Variants in PPFIA2 observed in about 807,000 individuals in gnomAD.
The protein encoded by PPFIA2 is liprin-alpha-2.
Under a neutral mutation model 175.5 loss-of-function variants are expected in PPFIA2, and 46 were observed. The observed-to-expected ratio is 0.26, with a 90% confidence interval of 0.21 to 0.34. PPFIA2 has a LOEUF of 0.34. Among genes scored for constraint, PPFIA2 ranks in the 10% least tolerant of loss-of-function variants. The probability of loss-of-function intolerance (pLI) is 1.00; values close to 1 mark genes in which losing one functional copy is unlikely to be tolerated. For synonymous variants in PPFIA2, 568 were observed against 511.4 expected, an observed-to-expected ratio of 1.11 and a Z score of -1.49; for missense variants, 1,179 against 1,506.1, an observed-to-expected ratio of 0.78 and a Z score of 3.60.
intron 4 of PPFIA2, chr12:81,597,985 A>T (rs1349490437): frequency 6.5e-7 from 1 of 1,535,252 alleles, no homozygotes; most frequent in Admixed American, 2.0e-5. Flanking sequence ...CATTAGGAGG[A>T]TGCACTTTAG....
intron 4 of PPFIA2, chr12:81,471,365 T>C (rs910095938): frequency 1.3e-5 from 2 of 151,656 alleles, no homozygotes; most frequent in African/African-American, 4.8e-5. Flanking sequence ...GATCTCCCTA[T>C]ATTTCCCAGG....
intron 4 of PPFIA2, among the ~76,000 whole-genome samples, chr12:81,606,952 C>T (rs766970891): frequency 6.6e-6 from 1 of 152,038 alleles, no homozygotes; most frequent in Non-Finnish European, 1.5e-5. Context: ...TGATGTCTTA[C>T]ATTTAAACCT....
chr12:81,615,861 C>A (rs1020980402), intron 4 of PPFIA2, among the ~76,000 whole-genome samples: 4 of 152,068 alleles, frequency 2.6e-5, no homozygotes, highest in Non-Finnish European at 5.9e-5. Flanking sequence ...GAGGGAGAGG[C>A]TCCAGGAGAG....
chr12:81,546,679 T>C (rs1291713128), intron 4 of PPFIA2, among the ~76,000 whole-genome samples: 5 of 152,194 alleles, frequency 3.3e-5, no homozygotes, highest in African/African-American at 1.2e-4. Context: ...TGCCTGAACA[T>C]TTACATATTA....
intron 4 of PPFIA2, among the ~76,000 whole-genome samples, chr12:81,516,658 AAAG>A (rs1245612518): frequency 6.6e-6 from 1 of 152,174 alleles, no homozygotes; most frequent in African/African-American, 2.4e-5. Context: ...TCAAAAGTTC[AAAG>A]AATGGACCAG....
intron 3 of PPFIA2, among the ~76,000 whole-genome samples, chr12:81,714,583 C>T (rs552600381): frequency 6.6e-6 from 1 of 150,880 alleles, no homozygotes; most frequent in Non-Finnish European, 1.5e-5. Flanking sequence ...GATAAGCACA[C>T]CCTCAGAGTG....
At chr12:81,724,300 A>G (rs1296963383) in intron 3 of PPFIA2, among the ~76,000 whole-genome samples, 3 of 150,998 alleles carry the variant, frequency 2.0e-5, no homozygotes, top group East Asian at 1.9e-4. Context: ...TAAATTGCTT[A>G]TGTAATTTTG....
chr12:81,552,826 T>A (rs1257705671), intron 4 of PPFIA2, among the ~76,000 whole-genome samples: 1 of 152,116 alleles, frequency 6.6e-6, no homozygotes, highest in Non-Finnish European at 1.5e-5. Flanking sequence ...TTTTTGATGA[T>A]GTAGGTTACC....
At chr12:81,384,796 G>T (rs1380523047) in intron 8 of PPFIA2, among the ~76,000 whole-genome samples, 5 of 152,058 alleles carry the variant, frequency 3.3e-5, no homozygotes, top group Non-Finnish European at 5.9e-5. Context: ...ATATAGTATA[G>T]AAAAGTTTTT....
At chr12:81,572,665 C>A (rs572967850) in intron 4 of PPFIA2, among the ~76,000 whole-genome samples, 1 of 152,076 alleles carries the variant, frequency 6.6e-6, no homozygotes, top group African/African-American at 2.4e-5. Flanking sequence ...TGGAGTTATG[C>A]CCAATGAGCA....
chr12:81,743,683 T>C (rs2082658504), intron 3 of PPFIA2, among the ~76,000 whole-genome samples: 1 of 152,088 alleles, frequency 6.6e-6, no homozygotes, highest in Non-Finnish European at 1.5e-5. Flanking sequence ...TGACCTTTTC[T>C]AGGAACATGT....
chr12:81,283,316 T>C (rs951013480), intron 25 of PPFIA2, among the ~76,000 whole-genome samples: 1 of 152,048 alleles, frequency 6.6e-6, no homozygotes, highest in Non-Finnish European at 1.5e-5. Context: ...TTTTTTTAAT[T>C]CTTAAATGAG....
chr12:81,300,816 A>ATG (rs2047635834), intron 22 of PPFIA2, among the ~76,000 whole-genome samples: 1 of 152,146 alleles, frequency 6.6e-6, no homozygotes, highest in Non-Finnish European at 1.5e-5. Context: ...ATATATATAT[A>ATG]GAAATGGATT....
rs1746587734 is a variant in PPFIA2 at position 81,623,993 on chromosome 12, A to G, written c.303+52798T>C. On this transcript the variant is annotated intron_variant, in intron 4 of 32. Coordinates refer to ENST00000549396, the MANE Select transcript of PPFIA2 (RefSeq NM_003625.5). ...ATTACCTGTTATATTATTTTGTACTAAACGTTTTTTGCAATTAATCTGTCT... is the reference window on the plus strand; with the variant it reads ...ATTACCTGTTATATTATTTTGTACTGAACGTTTTTTGCAATTAATCTGTCT... 3.3e-5 allele frequency among the ~76,000 whole-genome samples: 5 copies of G among 151,916 alleles called. No homozygotes were observed. In the South Asian group the frequency reaches 1.0e-3, roughly 31 times the overall value.
chr12:81,547,013 G>A (rs769999919), intron 4 of PPFIA2, among the ~76,000 whole-genome samples: 5 of 152,060 alleles, frequency 3.3e-5, no homozygotes, highest in African/African-American at 1.2e-4. Flanking sequence ...GAGAAGCGTG[G>A]CAGATGCTAG....
Position 81,282,392 on chromosome 12 carries a change from C to T in PPFIA2, c.3018+618G>A, listed in dbSNP as rs73156067. 2.1e-3 allele frequency among the ~76,000 whole-genome samples: 315 copies of T among 152,106 alleles called. 1 individual carries two copies. The highest frequency in any genetic ancestry group is 3.0e-3 in the Non-Finnish European group (201 of 67,932). ...TTAAATACAGGTCCTAATGTAACTACCAAATTTTTTCTTATATTGAAAGGT... is the reference window on the plus strand; with the variant it reads ...TTAAATACAGGTCCTAATGTAACTATCAAATTTTTTCTTATATTGAAAGGT... On this transcript the variant is annotated intron_variant, in intron 26 of 32. Coordinates refer to ENST00000549396, the MANE Select transcript of PPFIA2 (RefSeq NM_003625.5).
At chr12:81,642,978 A>ATC (rs200307639) in intron 4 of PPFIA2, among the ~76,000 whole-genome samples, 8,488 of 37,010 alleles carry the variant, frequency 0.23, 366 homozygotes, top group East Asian at 0.56. Context: ...TATAAATTAT[A>ATC]TATCTCTTAT....
chr12:81,635,401 AAAT>A (rs1298975055), intron 4 of PPFIA2, among the ~76,000 whole-genome samples: 3 of 152,232 alleles, frequency 2.0e-5, no homozygotes, highest in African/African-American at 4.8e-5. Flanking sequence ...ATGTGACAGA[AAAT>A]AATAATTTTA....
At chr12:81,757,117 T>C (rs1417701552) in intron 2 of PPFIA2, among the ~76,000 whole-genome samples, 1 of 152,232 alleles carries the variant, frequency 6.6e-6, no homozygotes, top group Non-Finnish European at 1.5e-5. Context: ...ATAACATTTC[T>C]TAAATGCACA....
Sources: gnomAD v4.1 joint callset for allele counts (sites outside exome capture counted in the v4.1 genomes callset) on GRCh38, gnomAD v4.1.1 for gene constraint, MANE v1.5 for transcripts, NCBI Gene and HGNC (gene_info 2026-07-23, HGNC 2026-07-21) for gene names.